PPP1R9A: variants seen among roughly 807,000 people sequenced by gnomAD.
PPP1R9A encodes the protein protein phosphatase 1 regulatory subunit 9A, also known as neurabin-1.
PPP1R9A carries 59 observed loss-of-function variants against 141.9 expected under a neutral mutation model. The observed-to-expected ratio is 0.42, with a 90% CI of 0.34 to 0.52. The LOEUF is 0.52. Among genes scored for constraint, PPP1R9A ranks in the 20% least tolerant of loss-of-function variants. The pLI, the probability that PPP1R9A is intolerant of heterozygous loss-of-function variation, is 0.10. For synonymous variants in PPP1R9A, 500 were observed against 569.7 expected, an observed-to-expected ratio of 0.88 and a Z score of 1.74; for missense variants, 1,444 against 1,611.9, an observed-to-expected ratio of 0.90 and a Z score of 1.78.
intron 2 of PPP1R9A, among the ~76,000 whole-genome samples, chr7:94,977,310 G>T (rs1163861909): frequency 6.6e-6 from 1 of 152,102 alleles, no homozygotes; most frequent in African/African-American, 2.4e-5. Flanking sequence ...TTATTGAGGG[G>T]CTGGGAAGAC....
intron 5 of PPP1R9A, among the ~76,000 whole-genome samples, chr7:95,172,076 A>G (rs945780206): frequency 6.6e-6 from 1 of 151,678 alleles, no homozygotes; most frequent in Non-Finnish European, 1.5e-5. Context: ...AGCTCTCAGG[A>G]AACTTGAAAT....
chr7:95,086,198 T>TA (rs1816609764), intron 2 of PPP1R9A, among the ~76,000 whole-genome samples: 1 of 152,016 alleles, frequency 6.6e-6, no homozygotes, highest in South Asian at 2.1e-4. Flanking sequence ...AGAATAGTTT[T>TA]AAAATAGACT....
intron 2 of PPP1R9A, among the ~76,000 whole-genome samples, chr7:94,999,867 T>A (rs967016800): frequency 6.6e-6 from 1 of 152,010 alleles, no homozygotes; most frequent in Non-Finnish European, 1.5e-5. Flanking sequence ...AGTGGCATGA[T>A]CTTAGCTCTT....
At chr7:95,196,060 T>A (rs1172660102) in intron 5 of PPP1R9A, among the ~76,000 whole-genome samples, 1 of 124,998 alleles carries the variant, frequency 8.0e-6, no homozygotes, top group Non-Finnish European at 1.6e-5. Context: ...AAAAATAAAA[T>A]ACACACATAC....
intron 2 of PPP1R9A, among the ~76,000 whole-genome samples, chr7:95,099,982 A>G (rs1170464723): frequency 6.6e-6 from 1 of 152,138 alleles, no homozygotes; most frequent in Non-Finnish European, 1.5e-5. Context: ...ATATTATTTC[A>G]CTAAAAATCT....
At chr7:95,023,838 C>T (rs1211860129) in intron 2 of PPP1R9A, among the ~76,000 whole-genome samples, 1 of 152,158 alleles carries the variant, frequency 6.6e-6, no homozygotes, top group African/African-American at 2.4e-5. Flanking sequence ...AGGCGTGAGC[C>T]ACCATGCCCG....
intron 2 of PPP1R9A, among the ~76,000 whole-genome samples, chr7:94,915,937 T>C (rs897983904): frequency 3.3e-5 from 5 of 152,248 alleles, no homozygotes; most frequent in Non-Finnish European, 5.9e-5. Flanking sequence ...AGTAGATGAC[T>C]GATATGGAAG....
chr7:95,170,300 A>G (rs1405464323), intron 5 of PPP1R9A, among the ~76,000 whole-genome samples: 1 of 151,664 alleles, frequency 6.6e-6, no homozygotes. Flanking sequence ...GAGAGGTGCT[A>G]GAAAAGATAA....
At chr7:95,129,984 C>T (rs1248940834) in intron 4 of PPP1R9A, among the ~76,000 whole-genome samples, 4 of 152,282 alleles carry the variant, frequency 2.6e-5, no homozygotes, top group Middle Eastern at 3.4e-3. Context: ...TGCAGCCTGA[C>T]AATGAGATAG....
Position 94,910,514 on chromosome 7 carries a change from C to T in PPP1R9A, c.401C>T (p.Pro134Leu), listed in dbSNP as rs1791332596. 6.2e-7 allele frequency: 1 copy of T among 1,614,120 alleles called. No homozygotes were observed. The highest frequency in any genetic ancestry group is 1.3e-5 in the African/African-American group (1 of 75,012). ...ISRFDTMYDG[P>L]SYSKFTETRK... The stretch of plus-strand genomic sequence containing the variant: ...AGATTTGACACTATGTACGATGGCC[C>T]TTCATATTCCAAGTTCACTGAGACT... Residue 134 changes from proline (P) to leucine (L), a missense_variant, in exon 2 of 20, where the codon CCT (proline) becomes CTT (leucine). By Grantham distance (98) the Pro-to-Leu change is moderately conservative. This residue lies in a region of PPP1R9A where 490 missense variants were observed against 521.1 expected (regional missense o/e 0.94). Coordinates refer to ENST00000433360, the MANE Select transcript of PPP1R9A (RefSeq NM_001166160.2). This position sits in a 1 kb window ranked among gnomAD's most constrained non-coding sequence, Gnocchi z 4.5.
chr7:95,004,827 C>T (rs1803382636), intron 2 of PPP1R9A, among the ~76,000 whole-genome samples: 1 of 152,182 alleles, frequency 6.6e-6, no homozygotes, highest in South Asian at 2.1e-4. Context: ...AGCTTTGCTG[C>T]TGCACGTTGT....
chr7:95,056,492 T>G (rs2152040619), intron 2 of PPP1R9A, among the ~76,000 whole-genome samples: 1 of 152,210 alleles, frequency 6.6e-6, no homozygotes, highest in Admixed American at 6.5e-5. Flanking sequence ...CTCACAGTGG[T>G]TTGAGGTTAA....
chr7:94,933,800 C>T (rs934532404), intron 2 of PPP1R9A, among the ~76,000 whole-genome samples: 6 of 152,154 alleles, frequency 3.9e-5, no homozygotes, highest in Admixed American at 3.3e-4. Flanking sequence ...ACCCAGCATG[C>T]AGCCTAGGTA....
Position 95,257,266 on chromosome 7 carries a change from A to G in PPP1R9A, c.2665+5136A>G, listed in dbSNP as rs190187294. Among the ~76,000 whole-genome samples the G allele has an allele frequency of 1.2e-4, 18 of 152,264 alleles. No homozygotes were observed. In the East Asian group the frequency reaches 3.5e-3, roughly 29 times the overall value. ...ATTGTCAAGTGGTCTAATATGCAGA[A>G]TACAGAGTCCAGAAGCAGACTGACA... is the stretch of plus-strand genomic sequence containing the variant. On this transcript the variant is annotated intron_variant, in intron 12 of 19. Coordinates refer to ENST00000433360, the MANE Select transcript of PPP1R9A (RefSeq NM_001166160.2).
intron 2 of PPP1R9A, among the ~76,000 whole-genome samples, chr7:94,990,093 A>C (rs1801326296): frequency 6.6e-6 from 1 of 152,082 alleles, no homozygotes; most frequent in Non-Finnish European, 1.5e-5. Context: ...GAAAGGACCT[A>C]GCGAATTTAA....
intron 7 of PPP1R9A, among the ~76,000 whole-genome samples, chr7:95,215,046 T>C (rs1351135649): frequency 6.6e-6 from 1 of 152,032 alleles, no homozygotes; most frequent in Non-Finnish European, 1.5e-5. Flanking sequence ...TATGTATACA[T>C]GTGCCATGTT....
In PPP1R9A at chr7:95,196,808, A is replaced by G. The variant is rs562954054; in HGVS notation, c.1755-1541A>G. On this transcript the variant is annotated intron_variant, in intron 5 of 19. Coordinates refer to ENST00000433360, the MANE Select transcript of PPP1R9A (RefSeq NM_001166160.2). Reference sequence around the variant, plus strand: ...AAGGAAATAGTTTGGGTTGATGGAAATGTTCTGTATCTTCATTGGTGTGGT... The same window carrying G: ...AAGGAAATAGTTTGGGTTGATGGAAGTGTTCTGTATCTTCATTGGTGTGGT... 2.6e-5 allele frequency among the ~76,000 whole-genome samples: 4 copies of G among 152,290 alleles called. No individual in the cohort carries two copies. The East Asian group carries it at 5.8e-4, about 22-fold the overall frequency.
At chr7:94,961,134 C>T (rs1797596589) in intron 2 of PPP1R9A, among the ~76,000 whole-genome samples, 3 of 151,520 alleles carry the variant, frequency 2.0e-5, no homozygotes, top group Admixed American at 6.6e-5. Context: ...CTTCCTGACT[C>T]TTTTAAATGT....
intron 2 of PPP1R9A, among the ~76,000 whole-genome samples, chr7:95,044,826 G>A (rs1460913042): frequency 2.0e-5 from 3 of 151,280 alleles, no homozygotes; most frequent in African/African-American, 4.9e-5. Context: ...TCCCTCCTCA[G>A]CCTCTCAAAG....
Sources: allele counts gnomAD v4.1 joint callset (sites outside exome capture counted in the v4.1 genomes callset), GRCh38; gene constraint gnomAD v4.1.1; regional missense constraint gnomAD v4.1.1; non-coding constraint Gnocchi (gnomAD v3.1); transcripts MANE v1.5; gene names NCBI Gene and HGNC (gene_info 2026-07-23, HGNC 2026-07-21).